Variants in TLL2 observed in about 807,000 individuals in gnomAD.
The protein encoded by TLL2 is tolloid like 2.
In TLL2, 106 loss-of-function variants were observed where a neutral mutation model predicts 123.0. The ratio of observed to expected loss-of-function variants is 0.86; its 90% CI spans 0.74 to 1.01. TLL2 has a LOEUF of 1.01. TLL2 is among the 50% of genes least tolerant of loss of function. The probability of loss-of-function intolerance (pLI) is 0.00; values close to 1 mark genes in which losing one functional copy is unlikely to be tolerated. For missense variants in TLL2, 1,332 were observed against 1,336.7 expected (o/e 1.00, Z 0.06); for synonymous variants, 494 against 516.8 (o/e 0.96, Z 0.60).
intron 1 of TLL2, among the ~76,000 whole-genome samples, chr10:96,485,002 C>T (rs912374909): frequency 1.4e-4 from 22 of 152,192 alleles, no homozygotes; most frequent in African/African-American, 5.1e-4. Context: ...TTTTATATTT[C>T]TAGGTCGGAG....
chr10:96,432,959 C>A lies in TLL2; in HGVS notation c.368G>T (p.Gly123Val), dbSNP rs745930019. ...DTGTKEAGKD[G>V]RENTTLLHSP... is the part of the protein sequence containing the mutation. ...GTGCAGGAGTGTGGTATTCTCCCGG[C>A]CATCTGCAACACAGTCAGGTTAATA... The change falls in exon 4 of 21, where the codon GGC (glycine) becomes GTC (valine). Residue 123 changes from glycine (G) to valine (V), a missense_variant. Coordinates refer to ENST00000357947, the MANE Select transcript of TLL2 (RefSeq NM_012465.4). The A allele has an allele frequency of 4.3e-6, 7 of 1,612,866 alleles. No individual in the cohort carries two copies. Among genetic ancestry groups the A allele is most frequent in the South Asian group, 3.3e-5 (3 of 90,880 alleles).
chr10:96,413,142 G>A, intron 8 of TLL2, 50 bp downstream of exon 8: 2 of 1,607,328 alleles, frequency 1.2e-6, no homozygotes, highest in South Asian at 2.2e-5. Context: ...TAGGGACTGT[G>A]CTTTGGAGAT....
chr10:96,513,318 C>T (rs1358650900), intron 1 of TLL2, among the ~76,000 whole-genome samples, 193 bp downstream of exon 1: 2 of 152,202 alleles, frequency 1.3e-5, no homozygotes, highest in Non-Finnish European at 2.9e-5. Flanking sequence ...CACCGCAAAC[C>T]TGGGGCCGGG....
At chr10:96,454,240 T>C (rs907927657) in intron 2 of TLL2, among the ~76,000 whole-genome samples, 2 of 152,226 alleles carry the variant, frequency 1.3e-5, no homozygotes, top group Admixed American at 6.5e-5. Flanking sequence ...CTGCCAGTGC[T>C]TTCTCTCAGA....
chr10:96,374,528 A>G (rs1846116698), intron 18 of TLL2: 1 of 152,282 alleles, frequency 6.6e-6, no homozygotes, highest in Admixed American at 6.5e-5. Context: ...TGTTTATTCC[A>G]TGCCAAGCAT....
At chr10:96,410,095 A>G (rs1846486371) in intron 9 of TLL2, among the ~76,000 whole-genome samples, 1 of 152,196 alleles carries the variant, frequency 6.6e-6, no homozygotes, top group African/African-American at 2.4e-5. Flanking sequence ...ATATTATAAT[A>G]GTGTATTTGT....
rs56011735 is a variant in TLL2, at chr10:96,411,257, CAAAAAAAAAAAAAAAAAAAAAA to C, written c.1049-805_1049-784del. ...TGGGTGACAGAGTGAGACTCTGTCT[CAAAAAAAAAAAAAAAAAAAAAA>C]AAAAAAAAAAAAAAAGTGGAAGTAG... is the stretch of plus-strand genomic sequence containing the variant. On this transcript the variant is annotated intron_variant, in intron 8 of 20. Transcript: ENST00000357947. Among the ~76,000 whole-genome samples, 150 of 95,142 alleles carry C rather than the reference CAAAAAAAAAAAAAAAAAAAAAA, an allele frequency of 1.6e-3. 6 individuals are homozygous for C. In the Middle Eastern group the frequency reaches 0.019, roughly 12 times the overall value. The allele number at this position is 95,142 out of a possible 152,430, so 62.4% of individuals were successfully genotyped here.
At chr10:96,421,591 G>A (rs1277482683) in intron 6 of TLL2, among the ~76,000 whole-genome samples, 1 of 151,924 alleles carries the variant, frequency 6.6e-6, no homozygotes, top group Non-Finnish European at 1.5e-5. Context: ...GTGAACCCGG[G>A]AGACGGAGCT....
At chr10:96,409,379 T>TGG (rs1424626437) in intron 9 of TLL2, among the ~76,000 whole-genome samples, 9 of 152,204 alleles carry the variant, frequency 5.9e-5, no homozygotes, top group Admixed American at 2.6e-4. Context: ...CTGGGGACAC[T>TGG]GGGGGTATCC....
intron 2 of TLL2, among the ~76,000 whole-genome samples, chr10:96,477,005 C>T (rs1439457863): frequency 6.9e-6 from 1 of 145,404 alleles, no homozygotes; most frequent in East Asian, 2.2e-4. Context: ...TTTCATCTTC[C>T]ACTTTATACA....
intron 5 of TLL2, among the ~76,000 whole-genome samples, chr10:96,423,042 T>A (rs537132078): frequency 8.7e-4 from 131 of 149,932 alleles, no homozygotes; most frequent in African/African-American, 3.1e-3. Context: ...GCAGGAGAAC[T>A]GCTTGAACCC....
Position 96,513,499 on chromosome 10 carries a change from G to T in TLL2, c.175+12C>A. ...CAAACTTCTGCGGGACTTCCCCAGC[G>T]GCGGCACCTACCGGCTTTGCAAGGG... On this transcript the variant is annotated intron_variant, in intron 1 of 20. Coordinates refer to ENST00000357947, the MANE Select transcript of TLL2 (RefSeq NM_012465.4). 1 of 1,611,826 alleles carries T rather than the reference G, an allele frequency of 6.2e-7. No homozygotes were observed. Among genetic ancestry groups the T allele is most frequent in the Non-Finnish European group, 8.5e-7 (1 of 1,179,448 alleles).
intron 10 of TLL2, among the ~76,000 whole-genome samples, chr10:96,402,807 C>G (rs1846408733): frequency 6.6e-6 from 1 of 152,134 alleles, no homozygotes; most frequent in South Asian, 2.1e-4. Context: ...TCCAGCCAAC[C>G]CCTCTGTCCA....
chr10:96,464,830 GTTTGAGGACTGAACACTGAAT>G (rs1310645437), intron 2 of TLL2, among the ~76,000 whole-genome samples: 12 of 152,218 alleles, frequency 7.9e-5, no homozygotes, highest in Non-Finnish European at 1.2e-4. Flanking sequence ...AAGTTATACA[GTTTGAGGACTGAACACTGAAT>G]TTAAATCTGA....
chr10:96,503,480 C>T (rs1488120277), intron 1 of TLL2, among the ~76,000 whole-genome samples: 3 of 152,116 alleles, frequency 2.0e-5, no homozygotes, highest in African/African-American at 7.2e-5. Context: ...GGGGCAGAGG[C>T]AGGTTTAAAG....
In TLL2 at chr10:96,446,227, C is replaced by T. The variant is rs1846896128; in HGVS notation, c.287-59G>A. On this transcript the variant is annotated intron_variant, in intron 2 of 20. Coordinates refer to ENST00000357947, the MANE Select transcript of TLL2 (RefSeq NM_012465.4). ...ACATCAGCCTTCTCTGCATCAGCAC[C>T]AAGGGATGAGGGAGCAAACCTGGTC... 4 of 1,564,552 alleles carry T rather than the reference C, an allele frequency of 2.6e-6. No homozygotes were observed. The African/African-American group carries it at 5.4e-5, about 21-fold the overall frequency.
In TLL2 at chr10:96,410,700, G is replaced by C. The variant is rs1399121163; in HGVS notation, c.1049-226C>G. 4 of 623,696 alleles carry C rather than the reference G, an allele frequency of 6.4e-6. No individual in the cohort carries two copies. The African/African-American group carries it at 7.2e-5, about 11-fold the overall frequency. The allele number at this position is 623,696 out of a possible 1,614,324, so 38.6% of individuals were successfully genotyped here. ...CAGGAATTTCTTCTGAGGCTCTCAG[G>C]ACTGAGCATGGCCTAGAGGTCATGA... On this transcript the variant is annotated intron_variant, in intron 8 of 20. Transcript: ENST00000357947.
intron 2 of TLL2, among the ~76,000 whole-genome samples, chr10:96,463,823 G>A (rs1847104327): frequency 6.6e-6 from 1 of 152,232 alleles, no homozygotes; most frequent in Non-Finnish European, 1.5e-5. Context: ...GACCAAATGA[G>A]TAAAAACTAA....
chr10:96,508,049 G>A (rs1847593709), intron 1 of TLL2, among the ~76,000 whole-genome samples: 1 of 152,194 alleles, frequency 6.6e-6, no homozygotes, highest in African/African-American at 2.4e-5. Flanking sequence ...TGATGGGCAG[G>A]TGGAGTACCA....
Sources: allele counts gnomAD v4.1 joint callset (sites outside exome capture counted in the v4.1 genomes callset), GRCh38; gene constraint gnomAD v4.1.1; transcripts MANE v1.5; gene names NCBI Gene and HGNC (gene_info 2026-07-23, HGNC 2026-07-21).